The following TRPS1 variants were observed in gnomAD, a reference collection of about 807,000 sequenced individuals.
TRPS1 encodes transcriptional repressor GATA binding 1.
A neutral mutation model predicts 101.2 loss-of-function variants in TRPS1; 6 were observed. The ratio of observed to expected loss-of-function variants is 0.06; its 90% CI spans 0.03 to 0.12. The LOEUF (loss-of-function observed/expected upper bound fraction) is 0.12. Ranked by LOEUF, TRPS1 falls within the 10% of genes least tolerant of loss-of-function variation. The pLI is 1.00. For missense variants in TRPS1, 1,363 were observed against 1,567.0 expected (o/e 0.87, Z 2.20); for synonymous variants, 578 against 589.8 (o/e 0.98, Z 0.29).
intron 1 of TRPS1, among the ~76,000 whole-genome samples, chr8:115,654,434 G>A (rs1312053100): frequency 6.6e-6 from 1 of 152,040 alleles, no homozygotes; most frequent in East Asian, 1.9e-4. Flanking sequence ...GGTTTTTCCA[G>A]CCAGATTTTA....
intron 1 of TRPS1, among the ~76,000 whole-genome samples, chr8:115,626,577 T>C (rs770921661): frequency 8.6e-5 from 13 of 151,840 alleles, no homozygotes; most frequent in Admixed American, 3.3e-4. Context: ...TCCCAAATTT[T>C]TAAAGCTATT....
chr8:115,577,700 T>A (rs1269990693), intron 5 of TRPS1, among the ~76,000 whole-genome samples: 1 of 152,122 alleles, frequency 6.6e-6, no homozygotes, highest in Non-Finnish European at 1.5e-5. Context: ...TCTGACATTC[T>A]GACAACTTTA....
At position 115,498,373 on chromosome 8, in the gene TRPS1, G is replaced by GTCTCTCTCTCTCTCTCTCTCTC. The variant is rs1271156488; in HGVS notation, c.2701-79943_2701-79922dup. ...AGCCTGGGCAACAAAGAGAGAGCCC[G>GTCTCTCTCTCTCTCTCTCTCTC]TCTCTCTCTCTCTCTCTCTCTCTCT... On this transcript the variant is annotated intron_variant, in intron 5 of 6. Coordinates refer to ENST00000395715, the MANE Select transcript of TRPS1 (RefSeq NM_014112.5). Among the ~76,000 whole-genome samples the GTCTCTCTCTCTCTCTCTCTCTC allele has an allele frequency of 1.6e-4, 5 of 31,224 alleles. 2 individuals are homozygous for GTCTCTCTCTCTCTCTCTCTCTC. Among genetic ancestry groups the GTCTCTCTCTCTCTCTCTCTCTC allele is most frequent in the African/African-American group, 1.6e-4 (2 of 12,314 alleles). The allele number at this position is 31,224 out of a possible 152,430, so 20.5% of individuals were successfully genotyped here.
At position 115,414,893 on chromosome 8, in the gene TRPS1, G is replaced by C. The variant is rs199839411; in HGVS notation, c.3015C>G (p.His1005Gln). 386 of 1,612,006 alleles carry C rather than the reference G, an allele frequency of 2.4e-4. 2 individuals carry two copies. The highest frequency in any genetic ancestry group is 5.4e-5 in the Non-Finnish European group (64 of 1,178,886). Residue 1005 changes from histidine to glutamine, a missense_variant, in exon 7 of 7, where the codon CAC (histidine) becomes CAG (glutamine). Coordinates refer to ENST00000395715, the MANE Select transcript of TRPS1 (RefSeq NM_014112.5). The surrounding 1 kb of genome is among the most constrained non-coding windows in gnomAD (Gnocchi z 4.8). ...GGCTGGGGAGTGGAATTTCTCTCTGGTGACTTTCAGTTAGATGATCTTCTG... is the reference window on the plus strand; with the variant it reads ...GGCTGGGGAGTGGAATTTCTCTCTGCTGACTTTCAGTTAGATGATCTTCTG... ...RRSEDHLTES[H>Q]QREIPLPSLS...
At chr8:115,528,529 C>A (rs994883006) in intron 5 of TRPS1, among the ~76,000 whole-genome samples, 1 of 152,032 alleles carries the variant, frequency 6.6e-6, no homozygotes, top group Admixed American at 6.6e-5. Context: ...TTCAAACACA[C>A]CTGATCTCTA....
chr8:115,658,120 C>T (rs3808477), intron 1 of TRPS1, among the ~76,000 whole-genome samples: 32,329 of 152,068 alleles, frequency 0.21, 4,380 homozygotes, highest in East Asian at 0.29. Context: ...TCTTTAGCAT[C>T]CTAAAATCAA....
intron 5 of TRPS1, among the ~76,000 whole-genome samples, chr8:115,555,673 T>C (rs1040110451): frequency 6.6e-6 from 1 of 152,138 alleles, no homozygotes; most frequent in Non-Finnish European, 1.5e-5. Context: ...AGCACTCAAA[T>C]AGCACTTTCT....
At chr8:115,495,095 C>G (rs1815115847) in intron 5 of TRPS1, among the ~76,000 whole-genome samples, 1 of 152,090 alleles carries the variant, frequency 6.6e-6, no homozygotes, top group South Asian at 2.1e-4. Flanking sequence ...TCCCTCTAGC[C>G]ATGCAGAGGA....
intron 5 of TRPS1, among the ~76,000 whole-genome samples, chr8:115,526,362 G>A (rs1018310060): frequency 7.2e-5 from 11 of 152,104 alleles, no homozygotes; most frequent in African/African-American, 2.7e-4. Flanking sequence ...AACTGGTAAT[G>A]CTGGTAATAC....
At chr8:115,578,076 T>C (rs1295870041) in intron 5 of TRPS1, among the ~76,000 whole-genome samples, 1 of 152,214 alleles carries the variant, frequency 6.6e-6, no homozygotes, top group East Asian at 1.9e-4. Context: ...TCAATTTCTC[T>C]AAAGAATAAA....
intron 5 of TRPS1, among the ~76,000 whole-genome samples, chr8:115,509,180 A>C (rs563099781): frequency 5.5e-4 from 84 of 152,162 alleles, no homozygotes; most frequent in African/African-American, 1.9e-3. Context: ...TGGAGTCTAC[A>C]AGGTGTTTTC....
chr8:115,665,838 G>A (rs1390627500), intron 1 of TRPS1, among the ~76,000 whole-genome samples: 1 of 152,140 alleles, frequency 6.6e-6, no homozygotes, highest in Admixed American at 6.5e-5. Context: ...CTTTGTGTTA[G>A]TAACTTGCTA....
intron 4 of TRPS1, among the ~76,000 whole-genome samples, chr8:115,594,963 T>C (rs1334131861): frequency 6.6e-6 from 1 of 151,938 alleles, no homozygotes; most frequent in East Asian, 1.9e-4. Context: ...TAATAGCATG[T>C]TACTTTCAGT....
intron 5 of TRPS1, among the ~76,000 whole-genome samples, chr8:115,430,223 C>T (rs1320832997): frequency 1.3e-5 from 2 of 152,090 alleles, no homozygotes; most frequent in Non-Finnish European, 2.9e-5. Flanking sequence ...TGTCTTAAAT[C>T]ACAAAATAGT....
At chr8:115,461,872 G>C (rs112790732) in intron 5 of TRPS1, among the ~76,000 whole-genome samples, 3,316 of 151,870 alleles carry the variant, frequency 0.022, 123 homozygotes, top group African/African-American at 0.07. Context: ...TTATTTTGAA[G>C]ACAAATAAAA....
intron 4 of TRPS1, among the ~76,000 whole-genome samples, chr8:115,595,484 A>G (rs1307572296): frequency 6.6e-6 from 1 of 151,928 alleles, no homozygotes; most frequent in Non-Finnish European, 1.5e-5. Context: ...CTCATCTTGC[A>G]TTTTTAAGTT....
chr8:115,610,797 T>A (rs1389977875), intron 3 of TRPS1, among the ~76,000 whole-genome samples: 1 of 152,200 alleles, frequency 6.6e-6, no homozygotes, highest in Non-Finnish European at 1.5e-5. Flanking sequence ...GTATTTCAGA[T>A]GACAGAGTAC....
intron 5 of TRPS1, among the ~76,000 whole-genome samples, chr8:115,562,023 C>A (rs1816956790): frequency 6.6e-6 from 1 of 151,884 alleles, no homozygotes; most frequent in Non-Finnish European, 1.5e-5. Flanking sequence ...GTATAAATGC[C>A]CCTTGAGTAA....
chr8:115,519,201 G>T (rs971566394), intron 5 of TRPS1, among the ~76,000 whole-genome samples: 25 of 151,462 alleles, frequency 1.7e-4, no homozygotes, highest in African/African-American at 5.3e-4. Context: ...AAGCAAACAT[G>T]TCATTTAAAA....
Sources: allele counts gnomAD v4.1 joint callset (sites outside exome capture counted in the v4.1 genomes callset), GRCh38; gene constraint gnomAD v4.1.1; non-coding constraint Gnocchi (gnomAD v3.1); transcripts MANE v1.5; gene names NCBI Gene and HGNC (gene_info 2026-07-23, HGNC 2026-07-21).